XKR6: variants seen among roughly 807,000 people sequenced by gnomAD.
XKR6 encodes XK related 6.
Under a neutral mutation model 56.7 loss-of-function variants are expected in XKR6, and 22 were observed. That is an observed-to-expected ratio of 0.39 (90% CI 0.28 to 0.55). The LOEUF is 0.55. Ranked by LOEUF, XKR6 falls within the 20% of genes least tolerant of loss-of-function variation. XKR6 has a pLI of 0.66. For missense variants in XKR6, 852 were observed against 889.0 expected (o/e 0.96, Z 0.53); for synonymous variants, 524 against 387.8 (o/e 1.35, Z -4.13).
At chr8:10,944,102 C>A (rs1801464627) in intron 1 of XKR6, among the ~76,000 whole-genome samples, 1 of 152,106 alleles carries the variant, frequency 6.6e-6, no homozygotes, top group Admixed American at 6.6e-5. Context: ...ATCCATATAC[C>A]CAGCGCCCCC....
At chr8:10,909,832 T>C (rs528564116) in intron 2 of XKR6, among the ~76,000 whole-genome samples, 62 of 152,338 alleles carry the variant, frequency 4.1e-4, no homozygotes, top group African/African-American at 1.3e-3. Flanking sequence ...TGTTATTTCA[T>C]TGAATTTAAT....
At chr8:11,011,341 G>A (rs761530678) in intron 1 of XKR6, among the ~76,000 whole-genome samples, 26 of 152,216 alleles carry the variant, frequency 1.7e-4, no homozygotes, top group Admixed American at 3.9e-4. Flanking sequence ...CGGGGGAGGT[G>A]GCATCCTGCT....
chr8:10,919,350 A>C (rs34741518), intron 2 of XKR6, among the ~76,000 whole-genome samples: 81,632 of 152,018 alleles, frequency 0.54, 23,859 homozygotes, highest in African/African-American at 0.73. Context: ...TCCAACCCCA[A>C]CCAGTTGTCT....
chr8:10,964,902 C>T (rs1802170842), intron 1 of XKR6, among the ~76,000 whole-genome samples: 1 of 152,246 alleles, frequency 6.6e-6, no homozygotes, highest in African/African-American at 2.4e-5. Context: ...CTTAGTTTCC[C>T]CGGCCAGCGC....
intron 1 of XKR6, among the ~76,000 whole-genome samples, chr8:11,094,785 T>G (rs921942923): frequency 6.6e-6 from 1 of 152,146 alleles, no homozygotes; most frequent in African/African-American, 2.4e-5. Flanking sequence ...GGCTCCAAGA[T>G]TCCCAAGTTA....
chr8:11,049,199 G>T (rs1273119454), intron 1 of XKR6, among the ~76,000 whole-genome samples: 1 of 152,234 alleles, frequency 6.6e-6, no homozygotes, highest in Admixed American at 6.5e-5. Flanking sequence ...CTCGGAAAAG[G>T]CACCTGGGGT....
At chr8:11,004,421 G>A (rs776490706) in intron 1 of XKR6, among the ~76,000 whole-genome samples, 6 of 152,140 alleles carry the variant, frequency 3.9e-5, no homozygotes, top group Non-Finnish European at 8.8e-5. Context: ...GCAGTGAGCC[G>A]AGATCATGAC....
intron 1 of XKR6, among the ~76,000 whole-genome samples, chr8:11,073,238 G>C (rs939530365): frequency 6.6e-6 from 1 of 152,162 alleles, no homozygotes; most frequent in African/African-American, 2.4e-5. Flanking sequence ...TGAGTATTGG[G>C]ATCCCTCCTG....
intron 1 of XKR6, among the ~76,000 whole-genome samples, chr8:11,120,564 A>G (rs1400994157): frequency 6.6e-6 from 1 of 152,200 alleles, no homozygotes; most frequent in Non-Finnish European, 1.5e-5. Context: ...AGAACATTCC[A>G]TGCTCATGGG....
intron 1 of XKR6, chr8:11,123,600 T>C (rs1469168890): frequency 3.3e-6 from 1 of 303,508 alleles, no homozygotes; most frequent in Non-Finnish European, 6.5e-6. Flanking sequence ...ACACGAGGAT[T>C]AAAAATTCAA....
At chr8:10,941,013 C>T (rs1801371591) in intron 1 of XKR6, among the ~76,000 whole-genome samples, 1 of 152,202 alleles carries the variant, frequency 6.6e-6, no homozygotes, top group Admixed American at 6.5e-5. Context: ...GCCACCGGGC[C>T]AGGCTTCTCA....
chr8:11,027,342 A>G (rs1022619792), intron 1 of XKR6, among the ~76,000 whole-genome samples: 9 of 152,358 alleles, frequency 5.9e-5, no homozygotes, highest in African/African-American at 2.2e-4. Context: ...TATGTTATAG[A>G]ATTAAAATTA....
chr8:10,916,613 G>A (rs1030447919), intron 2 of XKR6, among the ~76,000 whole-genome samples: 1 of 152,212 alleles, frequency 6.6e-6, no homozygotes, highest in Non-Finnish European at 1.5e-5. Context: ...CCCTCCACCT[G>A]GGGACAGAAG....
intron 1 of XKR6, among the ~76,000 whole-genome samples, chr8:10,949,752 A>G (rs889532666): frequency 6.6e-6 from 1 of 152,220 alleles, no homozygotes; most frequent in African/African-American, 2.4e-5. Context: ...TGCCCAAAGC[A>G]TGCGGAGCTC....
chr8:10,966,849 C>T (rs1447038464), intron 1 of XKR6, among the ~76,000 whole-genome samples: 1 of 152,074 alleles, frequency 6.6e-6, no homozygotes, highest in Non-Finnish European at 1.5e-5. Context: ...AAACCTTGGC[C>T]ACCTGTGAGA....
intron 1 of XKR6, among the ~76,000 whole-genome samples, chr8:11,116,139 G>A (rs547499208): frequency 1.3e-5 from 2 of 152,294 alleles, no homozygotes; most frequent in Non-Finnish European, 2.9e-5. Context: ...TTTTAAACAT[G>A]GAAAACTGTA....
rs76007266 is a variant in XKR6 at position 11,148,415 on chromosome 8, C to A, written c.764+52161G>T. 1.5e-3 allele frequency among the ~76,000 whole-genome samples: 227 copies of A among 152,280 alleles called. 4 individuals are homozygous for A. The South Asian group carries it at 0.02, about 13-fold the overall frequency. ...CCAAGAAGAGGGGCCTCAGAGGAAACCAATGCTCCTGGCACCTTGATCTTG... is the reference window on the plus strand; with the variant it reads ...CCAAGAAGAGGGGCCTCAGAGGAAAACAATGCTCCTGGCACCTTGATCTTG... On this transcript the variant is annotated intron_variant, in intron 1 of 2. Coordinates refer to ENST00000416569, the MANE Select transcript of XKR6 (RefSeq NM_173683.4).
intron 1 of XKR6, among the ~76,000 whole-genome samples, chr8:10,993,734 C>T (rs550185086): frequency 9.2e-4 from 140 of 152,344 alleles, no homozygotes; most frequent in African/African-American, 3.2e-3. Context: ...ACTTCTGACC[C>T]ACTCATGCCA....
chr8:11,011,641 A>G (rs1798500688), intron 1 of XKR6, among the ~76,000 whole-genome samples: 1 of 152,216 alleles, frequency 6.6e-6, no homozygotes, highest in Non-Finnish European at 1.5e-5. Context: ...TAGAGATGGC[A>G]ATAAGTGTTG....
Sources: allele counts gnomAD v4.1 joint callset (sites outside exome capture counted in the v4.1 genomes callset), GRCh38; gene constraint gnomAD v4.1.1; transcripts MANE v1.5; gene names NCBI Gene and HGNC (gene_info 2026-07-23, HGNC 2026-07-21).